Variants in VPS54 observed in about 807,000 individuals in gnomAD.
VPS54 encodes the protein VPS54 subunit of GARP complex.
Under a neutral mutation model 121.5 loss-of-function variants are expected in VPS54, and 45 were observed. That is an observed-to-expected ratio of 0.37 (90% confidence interval 0.29 to 0.47). VPS54 has a LOEUF of 0.47. VPS54 is among the 20% of genes least tolerant of loss of function. The pLI, the probability that VPS54 is intolerant of heterozygous loss-of-function variation, is 0.99. For missense variants in VPS54, 1,090 were observed against 1,131.4 expected, an observed-to-expected ratio of 0.96 and a Z score of 0.52; for synonymous variants, 371 against 385.8, an observed-to-expected ratio of 0.96 and a Z score of 0.45.
intron 20 of VPS54, 105 bp from the exon 21 acceptor site, chr2:63,899,686 C>G: frequency 1.1e-6 from 1 of 883,978 alleles, no homozygotes; most frequent in East Asian, 2.5e-5. Context: ...ATATCCAATT[C>G]TGGCATAGTA....
chr2:64,015,299 A>T (rs1338435438), intron 1 of VPS54, among the ~76,000 whole-genome samples: 2 of 152,186 alleles, frequency 1.3e-5, no homozygotes, highest in Non-Finnish European at 2.9e-5. Flanking sequence ...TAAACATACG[A>T]AACAGTATCT....
intron 20 of VPS54, among the ~76,000 whole-genome samples, chr2:63,901,422 T>G (rs902192370): frequency 6.6e-5 from 10 of 152,154 alleles, no homozygotes; most frequent in African/African-American, 1.2e-4. Context: ...CTAGGATATA[T>G]TTAGGATAAC....
intron 17 of VPS54, 68 bp from the exon 18 acceptor site, chr2:63,913,378 C>T: frequency 8.5e-7 from 1 of 1,183,294 alleles, no homozygotes; most frequent in Non-Finnish European, 1.2e-6. Flanking sequence ...TGGCAATGTG[C>T]TATTATAAAA....
At chr2:64,008,655 C>T (rs1678281473) in intron 1 of VPS54, among the ~76,000 whole-genome samples, 1 of 152,106 alleles carries the variant, frequency 6.6e-6, no homozygotes, top group African/African-American at 2.4e-5. Context: ...CACCCTACTC[C>T]TGTGCCCAAT....
intron 5 of VPS54, among the ~76,000 whole-genome samples, chr2:63,968,410 TA>T (rs1265842185): frequency 3.3e-3 from 464 of 142,276 alleles, no homozygotes; most frequent in Non-Finnish European, 3.3e-3. Context: ...TTTTTTCGTT[TA>T]AAAAAAAAAA....
chr2:63,943,383 A>C (rs1472529987), intron 10 of VPS54, among the ~76,000 whole-genome samples: 1 of 152,216 alleles, frequency 6.6e-6, no homozygotes, highest in African/African-American at 2.4e-5. Flanking sequence ...TCTATGGAGA[A>C]AATTCCCTAG....
chr2:63,979,932 G>GA (rs988222995), intron 3 of VPS54, among the ~76,000 whole-genome samples: 2 of 151,840 alleles, frequency 1.3e-5, no homozygotes, highest in South Asian at 2.1e-4. Flanking sequence ...ATGAACACTT[G>GA]AAAAAAAAGT....
chr2:63,956,490 A>G (rs889441124), intron 7 of VPS54, among the ~76,000 whole-genome samples: 3 of 152,200 alleles, frequency 2.0e-5, no homozygotes, highest in Non-Finnish European at 4.4e-5. Flanking sequence ...GAGCAAACCT[A>G]TAGCTCAATT....
chr2:63,907,518 CA>C (rs113824223), intron 20 of VPS54, among the ~76,000 whole-genome samples: 28,855 of 89,226 alleles, frequency 0.32, 2,786 homozygotes, highest in Middle Eastern at 0.42. Flanking sequence ...AACTCCATCT[CA>C]AAAAAAAAAA....
At chr2:63,912,505 T>G in intron 19 of VPS54, 35 bp downstream of exon 19, 1 of 1,610,850 alleles carries the variant, frequency 6.2e-7, no homozygotes, top group Middle Eastern at 1.7e-4. Flanking sequence ...GATCTAAACT[T>G]ATGAAACGCC....
intron 6 of VPS54, among the ~76,000 whole-genome samples, chr2:63,965,208 G>A (rs967948771): frequency 6.6e-6 from 1 of 152,208 alleles, no homozygotes; most frequent in African/African-American, 2.4e-5. Context: ...TGGGCATGGT[G>A]GCTCACATCC....
At chr2:63,936,005 G>C (rs1674435581) in intron 11 of VPS54, among the ~76,000 whole-genome samples, 1 of 152,152 alleles carries the variant, frequency 6.6e-6, no homozygotes, top group Non-Finnish European at 1.5e-5. Flanking sequence ...CAAGAGGAAA[G>C]AGAAAGGCAA....
intron 11 of VPS54, among the ~76,000 whole-genome samples, chr2:63,935,047 G>C (rs1390330596): frequency 6.6e-6 from 1 of 152,084 alleles, no homozygotes. Flanking sequence ...ATCTAAGCTA[G>C]TCCAATTAGT....
intron 1 of VPS54, among the ~76,000 whole-genome samples, chr2:63,998,659 T>A (rs867296458): frequency 6.6e-6 from 1 of 152,292 alleles, no homozygotes; most frequent in African/African-American, 2.4e-5. Flanking sequence ...ACTGCTTGTA[T>A]AAATAGGCAA....
chr2:63,991,369 C>A (rs541972233), intron 1 of VPS54, among the ~76,000 whole-genome samples: 1 of 152,308 alleles, frequency 6.6e-6, no homozygotes, highest in Non-Finnish European at 1.5e-5. Flanking sequence ...TGCATTCCAT[C>A]CAATGACAAA....
chr2:63,918,748 C>A (rs1396727876), intron 15 of VPS54, among the ~76,000 whole-genome samples: 1 of 151,908 alleles, frequency 6.6e-6, no homozygotes, highest in African/African-American at 2.4e-5. Flanking sequence ...GCACCTTGCC[C>A]TGTAAATCAC....
At chr2:63,973,898 C>T (rs896754658) in intron 3 of VPS54, among the ~76,000 whole-genome samples, 3 of 152,126 alleles carry the variant, frequency 2.0e-5, no homozygotes, top group African/African-American at 7.2e-5. Context: ...CAGTCTTTGG[C>T]TTGTTTTTTC....
intron 1 of VPS54, among the ~76,000 whole-genome samples, chr2:64,001,679 A>G (rs981941057): frequency 4.6e-5 from 7 of 152,018 alleles, no homozygotes; most frequent in African/African-American, 1.7e-4. Flanking sequence ...GCTAGGGCTT[A>G]GAATGGGGGC....
At position 63,897,593 on chromosome 2, in the gene VPS54, GA is replaced by G; in HGVS notation, c.2734-4del. On this transcript the variant is annotated splice_region_variant and splice_polypyrimidine_tract_variant and intron_variant, in intron 21 of 22. Coordinates refer to ENST00000272322, the MANE Select transcript of VPS54 (RefSeq NM_016516.3). ...GCATTAATTCTTAAAAATAACATCT[GA>G]AAAAGAAATAAAACTAAGTTTCTTA... The G allele has an allele frequency of 6.8e-7, 1 of 1,479,104 alleles. No homozygotes were observed. The highest frequency in any genetic ancestry group is 9.3e-7 in the Non-Finnish European group (1 of 1,074,294). The allele number at this position is 1,479,104 out of a possible 1,614,324, so 91.6% of individuals were successfully genotyped here. A position where few individuals can be genotyped will look rare whatever the true frequency, so the allele number is the denominator to read the frequency against.
Sources: gnomAD v4.1 joint callset for allele counts (sites outside exome capture counted in the v4.1 genomes callset) on GRCh38, gnomAD v4.1.1 for gene constraint, MANE v1.5 for transcripts, NCBI Gene and HGNC (gene_info 2026-07-23, HGNC 2026-07-21) for gene names.